C8A: variants seen among roughly 807,000 people sequenced by gnomAD.
C8A encodes complement component C8 alpha chain.
Under a neutral mutation model 65.3 loss-of-function variants are expected in C8A, and 67 were observed. The observed-to-expected ratio is 1.03, with a 90% CI of 0.84 to 1.26. C8A has a LOEUF of 1.26. Ranked by LOEUF, C8A falls within the 50% of genes most tolerant of loss-of-function variation. C8A has a pLI of 0.00. For missense variants in C8A, 781 were observed against 723.9 expected (o/e 1.08, Z -0.90); for synonymous variants, 290 against 259.4 (o/e 1.12, Z -1.13).
At chr1:56,894,038 A>G (rs543035426) in intron 7 of C8A, among the ~76,000 whole-genome samples, 1 of 152,244 alleles carries the variant, frequency 6.6e-6, no homozygotes, top group African/African-American at 2.4e-5. Flanking sequence ...AATGTTACCT[A>G]TTATTGCTGT....
chr1:56,914,761 T>C (rs1273203578), intron 10 of C8A, among the ~76,000 whole-genome samples: 4 of 151,910 alleles, frequency 2.6e-5, no homozygotes, highest in African/African-American at 9.7e-5. Flanking sequence ...TCCTCCCGGG[T>C]TCAAGCGATT....
chr1:56,865,859 A>G (rs2101196571), intron 1 of C8A, among the ~76,000 whole-genome samples: 1 of 152,348 alleles, frequency 6.6e-6, no homozygotes, highest in African/African-American at 2.4e-5. Context: ...AGTGAAATGC[A>G]TTAATATTTG....
intron 2 of C8A, among the ~76,000 whole-genome samples, chr1:56,872,482 G>A (rs1644155586): frequency 6.6e-6 from 1 of 152,054 alleles, no homozygotes; most frequent in Admixed American, 6.6e-5. Context: ...CTTAATTCAA[G>A]TAGAAAATGA....
chr1:56,893,646 T>C (rs1644366006), intron 7 of C8A, among the ~76,000 whole-genome samples: 3 of 152,190 alleles, frequency 2.0e-5, no homozygotes. Flanking sequence ...TGCCACTTAC[T>C]AACTGTGTAA....
chr1:56,900,970 C>T (rs1161650172), intron 7 of C8A, among the ~76,000 whole-genome samples: 1 of 152,192 alleles, frequency 6.6e-6, no homozygotes, highest in African/African-American at 2.4e-5. Flanking sequence ...AAAAGGCTGT[C>T]TGGAGCTCAG....
intron 2 of C8A, among the ~76,000 whole-genome samples, chr1:56,871,078 G>C (rs1038446656): frequency 6.6e-6 from 1 of 152,118 alleles, no homozygotes; most frequent in Non-Finnish European, 1.5e-5. Context: ...GAACCTTATG[G>C]CTTGCACCAT....
In C8A at chr1:56,917,420, C is replaced by G. The variant is rs201905242; in HGVS notation, c.1604-145C>G. 6 of 780,402 alleles carry G rather than the reference C, an allele frequency of 7.7e-6. No homozygotes were observed. The South Asian group carries it at 9.0e-5, about 12-fold the overall frequency. 48.3% of individuals were successfully genotyped at this position (780,402 alleles called of 1,614,324 possible). A position where few individuals can be genotyped will look rare whatever the true frequency, so the allele number is the denominator to read the frequency against. On this transcript the variant is annotated intron_variant, in intron 10 of 10. Coordinates refer to ENST00000361249, the MANE Select transcript of C8A (RefSeq NM_000562.3). The stretch of plus-strand genomic sequence containing the variant: ...CCCTATGTACCTTATCTGTACGTAC[C>G]TCCAACAAGCTGCAGTCGACCAGAG...
intron 7 of C8A, among the ~76,000 whole-genome samples, chr1:56,895,014 C>T (rs1016190836): frequency 1.3e-5 from 2 of 152,078 alleles, no homozygotes; most frequent in Admixed American, 6.6e-5. Flanking sequence ...TCAAATTGAT[C>T]CTCATAATAA....
chr1:56,898,137 G>C (rs1644399901), intron 7 of C8A, among the ~76,000 whole-genome samples: 1 of 152,138 alleles, frequency 6.6e-6, no homozygotes, highest in Non-Finnish European at 1.5e-5. Flanking sequence ...AAAAGGAGAT[G>C]AATGTCCAGA....
chr1:56,872,043 C>G (rs191330800), intron 2 of C8A, among the ~76,000 whole-genome samples: 19 of 152,274 alleles, frequency 1.2e-4, no homozygotes, highest in African/African-American at 4.6e-4. Context: ...AACAGATATG[C>G]TAAGGTATCC....
chr1:56,899,346 G>A (rs542988724), intron 7 of C8A, among the ~76,000 whole-genome samples: 5 of 152,150 alleles, frequency 3.3e-5, no homozygotes, highest in African/African-American at 4.8e-5. Flanking sequence ...ATGGCATACA[G>A]AACGTGGTCT....
At chr1:56,884,814 G>A (rs951556942) in intron 6 of C8A, among the ~76,000 whole-genome samples, 2 of 151,912 alleles carry the variant, frequency 1.3e-5, no homozygotes, top group African/African-American at 4.8e-5. Flanking sequence ...GATTACTATT[G>A]GAATGTAAAC....
chr1:56,899,199 T>A (rs1317819614), intron 7 of C8A, among the ~76,000 whole-genome samples: 1 of 152,178 alleles, frequency 6.6e-6, no homozygotes. Flanking sequence ...GCACCATCCT[T>A]CTGATTTTGT....
At chr1:56,869,187 G>A (rs934924450) in intron 2 of C8A, among the ~76,000 whole-genome samples, 11 of 151,890 alleles carry the variant, frequency 7.2e-5, no homozygotes, top group Non-Finnish European at 1.2e-4. Context: ...CCTTCCACCC[G>A]AGTCCCCAAA....
intron 7 of C8A, among the ~76,000 whole-genome samples, chr1:56,900,077 G>A (rs760642326): frequency 1.7e-4 from 26 of 152,168 alleles, no homozygotes; most frequent in Non-Finnish European, 3.2e-4. Flanking sequence ...TGGGACTGTA[G>A]TCAACATTGC....
chr1:56,906,159 A>C (rs944586323), intron 7 of C8A, among the ~76,000 whole-genome samples: 1 of 152,216 alleles, frequency 6.6e-6, no homozygotes, highest in Admixed American at 6.5e-5. Flanking sequence ...CACAGAGAAC[A>C]TCGGTAGCTC....
chr1:56,883,752 A>C (rs780995534), intron 6 of C8A, 71 bp downstream of exon 6: 1 of 1,296,780 alleles, frequency 7.7e-7, no homozygotes, highest in East Asian at 2.4e-5. Flanking sequence ...CCTTAATTGC[A>C]TTAAAAAGTA....
At chr1:56,910,745 G>A (rs548652818) in intron 9 of C8A, among the ~76,000 whole-genome samples, 1 of 152,298 alleles carries the variant, frequency 6.6e-6, no homozygotes, top group Admixed American at 6.5e-5. Flanking sequence ...ACAGGCCAAA[G>A]TCTGTTTGCC....
intron 10 of C8A, 66 bp downstream of exon 10, chr1:56,912,691 A>T: frequency 6.8e-7 from 1 of 1,470,106 alleles, no homozygotes; most frequent in Non-Finnish European, 9.5e-7. Context: ...TGCAAAAAGG[A>T]CTTTTGGGGT....
Sources: gnomAD v4.1 joint callset for allele counts (sites outside exome capture counted in the v4.1 genomes callset) on GRCh38, gnomAD v4.1.1 for gene constraint, MANE v1.5 for transcripts, NCBI Gene and HGNC (gene_info 2026-07-23, HGNC 2026-07-21) for gene names.